Variants in CUL2 observed in about 807,000 individuals in gnomAD.
The protein encoded by CUL2 is cullin 2, also known as cullin-2.
A neutral mutation model predicts 110.2 loss-of-function variants in CUL2; 22 were observed. That is an observed-to-expected ratio of 0.20 (90% CI 0.14 to 0.28). The LOEUF (loss-of-function observed/expected upper bound fraction) is 0.28, where lower values mean the gene tolerates loss of function less well. Among genes scored for constraint, CUL2 ranks in the 10% least tolerant of loss-of-function variants. The pLI, the probability that CUL2 is intolerant of heterozygous loss-of-function variation, is 1.00. For missense variants in CUL2, 631 were observed against 905.5 expected (o/e 0.70, Z 3.89); for synonymous variants, 279 against 293.2 (o/e 0.95, Z 0.49).
Position 35,031,569 on chromosome 10 carries a change from T to G in CUL2, c.1221A>C (p.Thr407=), listed in dbSNP as rs1475023905. The change falls in exon 13 of 21, where the codon ACA becomes ACC. Residue 407 remains threonine (T), a synonymous_variant. Coordinates refer to ENST00000374749, the MANE Select transcript of CUL2 (RefSeq NM_003591.4). The surrounding 1 kb of genome is among the most constrained non-coding windows in gnomAD (Gnocchi z 4.4). The part of the protein sequence containing the change: ...NLLKKSAKGM[T]ENEVEDRLTS... ...TGAGCCTGTCTTCCACTTCATTCTC[T>G]GTCATCCCTTTCGCTGACTTCTTCA... 6.2e-7 allele frequency: 1 copy of G among 1,614,012 alleles called. No individual in the cohort carries two copies. The highest frequency in any genetic ancestry group is 1.7e-5 in the Admixed American group (1 of 60,012).
chr10:35,093,640 A>G (rs1431533737), upstream of CUL2, among the ~76,000 whole-genome samples: 3 of 144,406 alleles, frequency 2.1e-5, no homozygotes, highest in East Asian at 6.1e-4. Flanking sequence ...AGCCTGGGCA[A>G]TAAAGGCAGA....
chr10:35,097,017 C>G (rs2087308773), intron 2 of CUL2, among the ~76,000 whole-genome samples: 1 of 152,044 alleles, frequency 6.6e-6, no homozygotes, highest in African/African-American at 2.4e-5. Context: ...ACCATGTTGG[C>G]CAGGCTGGTC....
chr10:35,119,380 T>C (rs1011060009), intron 1 of CUL2, among the ~76,000 whole-genome samples: 2 of 152,160 alleles, frequency 1.3e-5, no homozygotes, highest in Non-Finnish European at 2.9e-5. Context: ...ATTTGCACTG[T>C]GGAGTTGCTT....
chr10:35,035,408 G>A, intron 9 of CUL2, 112 bp from the exon 10 acceptor site: 1 of 1,208,126 alleles, frequency 8.3e-7, no homozygotes. Flanking sequence ...AGAGCACCCA[G>A]AGAAAAGTCC....
At chr10:35,020,044 G>C (rs2085144087) in intron 17 of CUL2, among the ~76,000 whole-genome samples, 1 of 151,954 alleles carries the variant, frequency 6.6e-6, no homozygotes. Flanking sequence ...TTTGAAATAT[G>C]CAATATGAAA....
At chr10:35,115,074 T>C (rs961042930) in intron 1 of CUL2, among the ~76,000 whole-genome samples, 2 of 151,710 alleles carry the variant, frequency 1.3e-5, no homozygotes, top group African/African-American at 4.8e-5. Flanking sequence ...TAGCTGGATG[T>C]GATGATGTGC....
At chr10:35,045,795 T>C (rs1487739024) in intron 6 of CUL2, among the ~76,000 whole-genome samples, 1 of 152,130 alleles carries the variant, frequency 6.6e-6, no homozygotes, top group African/African-American at 2.4e-5. Context: ...TAGCTCTAAA[T>C]TGGGATTTTG....
intron 16 of CUL2, among the ~76,000 whole-genome samples, chr10:35,028,484 G>A (rs370961634): frequency 5.7e-4 from 87 of 152,304 alleles, no homozygotes; most frequent in Middle Eastern, 3.4e-3. Context: ...AAACTGGTAA[G>A]TGATATTTTA....
At chr10:35,071,571 AT>A (rs751555798) in intron 1 of CUL2, among the ~76,000 whole-genome samples, 1 of 151,928 alleles carries the variant, frequency 6.6e-6, no homozygotes, top group Non-Finnish European at 1.5e-5. Context: ...TGCCCAGCTA[AT>A]TTTTTGTATT....
chr10:35,112,131 G>A (rs1198004381), intron 1 of CUL2, among the ~76,000 whole-genome samples: 2 of 152,142 alleles, frequency 1.3e-5, no homozygotes, highest in African/African-American at 4.8e-5. Flanking sequence ...AAATCAAATT[G>A]CTTCTCACTG....
chr10:35,037,636 G>C (rs1021922782), intron 9 of CUL2, among the ~76,000 whole-genome samples: 1 of 151,840 alleles, frequency 6.6e-6, no homozygotes, highest in Admixed American at 6.6e-5. Flanking sequence ...ACGAGCTCAG[G>C]AGTTCGAGAC....
chr10:35,024,735 A>G (rs537909817), intron 17 of CUL2, among the ~76,000 whole-genome samples: 2 of 152,362 alleles, frequency 1.3e-5, no homozygotes, highest in Admixed American at 6.5e-5. Flanking sequence ...CAGTATCACA[A>G]GTAAAAATCA....
At chr10:35,087,342 T>C (rs1367443104) in intron 1 of CUL2, among the ~76,000 whole-genome samples, 2 of 152,232 alleles carry the variant, frequency 1.3e-5, no homozygotes, top group African/African-American at 2.4e-5. Context: ...AAATAAATGC[T>C]GATGACTCTC....
chr10:35,080,451 T>C (rs2086918559), intron 1 of CUL2, among the ~76,000 whole-genome samples: 1 of 147,126 alleles, frequency 6.8e-6, no homozygotes, highest in Non-Finnish European at 1.5e-5. Flanking sequence ...ATTTATTTAT[T>C]TATTTATTTA....
intron 10 of CUL2, among the ~76,000 whole-genome samples, chr10:35,034,123 T>C (rs953327389): frequency 2.0e-5 from 3 of 152,234 alleles, no homozygotes; most frequent in African/African-American, 7.2e-5. Flanking sequence ...AAGAAGTTAC[T>C]ACCTAAGACT....
At chr10:35,055,420 A>C (rs1238368572) in intron 4 of CUL2, among the ~76,000 whole-genome samples, 1 of 152,234 alleles carries the variant, frequency 6.6e-6, no homozygotes, top group African/African-American at 2.4e-5. Flanking sequence ...CAAGACAACA[A>C]TTTTGGGAAA....
intron 11 of CUL2, 31 bp downstream of exon 11, chr10:35,033,135 C>CATATATAGTATAT: frequency 2.2e-6 from 3 of 1,381,132 alleles, no homozygotes; most frequent in Middle Eastern, 3.7e-4. Context: ...GTTTTATGTA[C>CATATATAGTATAT]ATATATAGTA....
At chr10:35,126,811 C>T (rs2087862105), upstream of CUL2, 1 of 152,360 alleles carries the variant, frequency 6.6e-6, no homozygotes, top group South Asian at 2.1e-4. Context: ...CCCCCTGACC[C>T]GCACCTTCCC....
intron 2 of CUL2, chr10:35,097,915 T>A (rs2087321673): frequency 2.0e-5 from 3 of 151,966 alleles, no homozygotes. Context: ...GCCACAATCA[T>A]GCCACTGCAC....
Sources: allele counts gnomAD v4.1 joint callset (sites outside exome capture counted in the v4.1 genomes callset), GRCh38; gene constraint gnomAD v4.1.1; non-coding constraint Gnocchi (gnomAD v3.1); transcripts MANE v1.5; gene names NCBI Gene and HGNC (gene_info 2026-07-23, HGNC 2026-07-21).